The following LRRC8A variants were observed in gnomAD, a reference collection of about 807,000 sequenced individuals.
LRRC8A encodes leucine rich repeat containing 8 VRAC subunit A.
In LRRC8A, 24 loss-of-function variants were observed where a neutral mutation model predicts 52.5. The ratio of observed to expected loss-of-function variants is 0.46; its 90% CI spans 0.33 to 0.64. The LOEUF (loss-of-function observed/expected upper bound fraction) is 0.64, where lower values mean the gene tolerates loss of function less well. Ranked by LOEUF, LRRC8A falls within the 30% of genes least tolerant of loss-of-function variation. LRRC8A has a pLI of 0.02. For synonymous variants in LRRC8A, 492 were observed against 494.2 expected, an observed-to-expected ratio of 1.00 and a Z score of 0.06; for missense variants, 677 against 1,094.7, an observed-to-expected ratio of 0.62 and a Z score of 5.38.
Position 128,913,465 on chromosome 9 carries a change from G to A in LRRC8A, c.2158-2631G>A, listed in dbSNP as rs114717628. On this transcript the variant is annotated intron_variant, in intron 3 of 3. Transcript: ENST00000372600. ...TCAAGCCTCCAGGGCACGGGCCGGC[G>A]ACAATCCGACAATCCAGCAGAGAAG... 6.6e-3 allele frequency among the ~76,000 whole-genome samples: 999 copies of A among 152,276 alleles called. 19 individuals carry two copies. The highest frequency in any genetic ancestry group is 0.023 in the African/African-American group (960 of 41,552).
At chr9:128,898,673 A>G (rs1319118131) in intron 2 of LRRC8A, among the ~76,000 whole-genome samples, 1 of 152,248 alleles carries the variant, frequency 6.6e-6, no homozygotes, top group Non-Finnish European at 1.5e-5. Flanking sequence ...GGCAGGGCCT[A>G]TCTTTAGCCC....
intron 3 of LRRC8A, among the ~76,000 whole-genome samples, chr9:128,909,829 G>A (rs1403269075): frequency 1.3e-5 from 2 of 152,216 alleles, no homozygotes; most frequent in Non-Finnish European, 2.9e-5. Context: ...TGCTGGCTGA[G>A]GGGAAGCCTT....
chr9:128,903,844 A>G (rs1180222329), intron 2 of LRRC8A, among the ~76,000 whole-genome samples: 2 of 152,124 alleles, frequency 1.3e-5, no homozygotes, highest in Non-Finnish European at 1.5e-5. Flanking sequence ...CCCGGCCAAC[A>G]TGGCAAAACA....
At chr9:128,904,517 CTAAA>C (rs906746734) in intron 2 of LRRC8A, among the ~76,000 whole-genome samples, 6 of 151,902 alleles carry the variant, frequency 3.9e-5, no homozygotes, top group African/African-American at 1.2e-4. Context: ...TACTCTGTCT[CTAAA>C]TAAATAAATA....
In LRRC8A at chr9:128,907,229, C is replaced by T. The variant is rs757315550; in HGVS notation, c.65C>T (p.Pro22Leu). The T allele has an allele frequency of 4.3e-6, 7 of 1,613,712 alleles. No individual in the cohort carries two copies. Among genetic ancestry groups the T allele is most frequent in the East Asian group, 2.2e-5 (1 of 44,894 alleles). Residue 22 changes from proline to leucine, a missense_variant, in exon 3 of 4, where the codon CCG becomes CTG. This residue lies in a region of LRRC8A where 32 missense variants were observed against 86.0 expected (regional missense o/e 0.37). Transcript: ENST00000372600. The surrounding 1 kb of genome is among the most constrained non-coding windows in gnomAD (Gnocchi z 9.3). ...CAGCCAGCATACCGGATCCTGAAGC[C>T]GTGGTGGGATGTGTTCACAGACTAC... ...DTQPAYRILK[P>L]WWDVFTDYIS...
At position 128,916,470 on chromosome 9, in the gene LRRC8A, A is replaced by G; in HGVS notation, c.*99A>G. 1 of 1,433,098 alleles carries G rather than the reference A, an allele frequency of 7.0e-7. No individual in the cohort carries two copies. The highest frequency in any genetic ancestry group is 9.3e-7 in the Non-Finnish European group (1 of 1,080,410). 88.8% of individuals were successfully genotyped at this position (1,433,098 alleles called of 1,614,324 possible). ...CTCCCAGAACTCCCGGACAGCCAGG[A>G]CAGCCTCGTGGCTGGGCAGGAGCCT... On this transcript the variant is annotated 3_prime_UTR_variant, in exon 4 of 4. Coordinates refer to ENST00000372600, the MANE Select transcript of LRRC8A (RefSeq NM_019594.4). The surrounding 1 kb of genome is among the most constrained non-coding windows in gnomAD (Gnocchi z 6.1).
Position 128,908,959 on chromosome 9 carries a change from A to C in LRRC8A, c.1795A>C (p.Ile599Leu). The change falls in exon 3 of 4, where the codon ATC becomes CTC. Residue 599 changes from isoleucine (I) to leucine (L), a missense_variant. Coordinates refer to ENST00000372600, the MANE Select transcript of LRRC8A (RefSeq NM_019594.4). ...KMANLTELEL[I>L]RCDLERIPHS... is the part of the protein sequence containing the mutation. ...GGCGAACCTGACTGAGCTGGAGCTG[A>C]TCCGCTGTGACCTGGAGCGCATCCC... is the stretch of plus-strand genomic sequence containing the variant. 2 of 1,614,150 alleles carry C rather than the reference A, an allele frequency of 1.2e-6. No individual in the cohort carries two copies. The highest frequency in any genetic ancestry group is 1.7e-6 in the Non-Finnish European group (2 of 1,180,016).
rs1046317261 is a variant in LRRC8A at position 128,908,541 on chromosome 9, G to C, written c.1377G>C (p.Val459=). 1 of 1,612,744 alleles carries C rather than the reference G, an allele frequency of 6.2e-7. No homozygotes were observed. Among genetic ancestry groups the C allele is most frequent in the African/African-American group, 1.3e-5 (1 of 75,006 alleles). The change falls in exon 3 of 4, where the codon GTG becomes GTC. Residue 459 remains valine, a synonymous_variant. Coordinates refer to ENST00000372600, the MANE Select transcript of LRRC8A (RefSeq NM_019594.4). ...TCAAGCTGGAGCTGATCCCCGACGTGACCATCCCGCCCAGCATTGCCCAGC... is the reference window on the plus strand; with the variant it reads ...TCAAGCTGGAGCTGATCCCCGACGTCACCATCCCGCCCAGCATTGCCCAGC... ...EVLKLELIPD[V]TIPPSIAQLT...
chr9:128,913,687 C>T (rs1235804268), intron 3 of LRRC8A, among the ~76,000 whole-genome samples: 2 of 152,162 alleles, frequency 1.3e-5, no homozygotes, highest in Non-Finnish European at 2.9e-5. Context: ...CAGAGCTTTC[C>T]CACTGTCCCT....
At chr9:128,912,308 G>A (rs774883221) in intron 3 of LRRC8A, among the ~76,000 whole-genome samples, 1 of 152,182 alleles carries the variant, frequency 6.6e-6, no homozygotes, top group African/African-American at 2.4e-5. Context: ...GCCAAGTAAC[G>A]AGGCAGTTAG....
In LRRC8A at chr9:128,902,132, G is replaced by A. The variant is rs895926422; in HGVS notation, c.-8-5025G>A. ...CAGGCTCTGCCATTGGAACCCCAGG[G>A]CCCTCCTCCACTCCCCAGACACACT... On this transcript the variant is annotated intron_variant, in intron 2 of 3. Coordinates refer to ENST00000372600, the MANE Select transcript of LRRC8A (RefSeq NM_019594.4). The surrounding 1 kb of genome is among the most constrained non-coding windows in gnomAD (Gnocchi z 4.1). 6.6e-6 allele frequency among the ~76,000 whole-genome samples: 1 copy of A among 152,160 alleles called. No individual in the cohort carries two copies. The highest frequency in any genetic ancestry group is 1.5e-5 in the Non-Finnish European group (1 of 68,020).
Position 128,883,987 on chromosome 9 carries a change from A to G in LRRC8A, c.-116+1737A>G, listed in dbSNP as rs566536292. Among the ~76,000 whole-genome samples, 6 of 152,136 alleles carry G rather than the reference A, an allele frequency of 3.9e-5. No individual in the cohort carries two copies. The East Asian group carries it at 9.6e-4, about 24-fold the overall frequency. On this transcript the variant is annotated intron_variant, in intron 1 of 3. Coordinates refer to ENST00000372600, the MANE Select transcript of LRRC8A (RefSeq NM_019594.4). The stretch of plus-strand genomic sequence containing the variant: ...AAAATTCCATCTCAAAAAAACAAAA[A>G]AAAAAACAGAGCGGGGGCACAGGAA...
chr9:128,915,844 G>A (rs1840790119), intron 3 of LRRC8A, among the ~76,000 whole-genome samples: 1 of 152,172 alleles, frequency 6.6e-6, no homozygotes, highest in South Asian at 2.1e-4. Flanking sequence ...ATGGAAGGAT[G>A]AGCACTGCGA....
rs777594382 is a variant in LRRC8A at position 128,899,787 on chromosome 9, C to T, written c.-8-7370C>T. ...TTAAGGGGTGTGGGTTTCAGTTTAA[C>T]GAGATGAAGAGAGTTCTGTGTATGG... On this transcript the variant is annotated intron_variant, in intron 2 of 3. Transcript: ENST00000372600. The surrounding 1 kb of genome is among the most constrained non-coding windows in gnomAD (Gnocchi z 4.0). 2.0e-5 allele frequency among the ~76,000 whole-genome samples: 3 copies of T among 152,008 alleles called. No homozygotes were observed. Among genetic ancestry groups the T allele is most frequent in the Non-Finnish European group, 2.9e-5 (2 of 68,018 alleles).
At chr9:128,883,076 TG>T (rs1031547234) in intron 1 of LRRC8A, among the ~76,000 whole-genome samples, 1 of 152,116 alleles carries the variant, frequency 6.6e-6, no homozygotes, top group Non-Finnish European at 1.5e-5. Context: ...TTGCCTTTTT[TG>T]GGAAGGAGGG....
At chr9:128,885,689 C>T (rs1405550105) in intron 1 of LRRC8A, among the ~76,000 whole-genome samples, 1 of 152,174 alleles carries the variant, frequency 6.6e-6, no homozygotes, top group Non-Finnish European at 1.5e-5. Context: ...GGGCAGATCC[C>T]TGGAGGTTAG....
At chr9:128,914,457 C>G (rs191125066) in intron 3 of LRRC8A, among the ~76,000 whole-genome samples, 3 of 152,290 alleles carry the variant, frequency 2.0e-5, no homozygotes. Flanking sequence ...GAGGGAGGGA[C>G]TTCCAGAGTT....
chr9:128,914,886 C>A (rs150490930), intron 3 of LRRC8A, among the ~76,000 whole-genome samples: 214 of 152,350 alleles, frequency 1.4e-3, no homozygotes, highest in Non-Finnish European at 1.9e-3. Flanking sequence ...GGAGACAGCA[C>A]GAACCCACTG....
Position 128,911,276 on chromosome 9 carries a change from C to T in LRRC8A, c.2157+1955C>T, listed in dbSNP as rs1840515618. 6.6e-6 allele frequency among the ~76,000 whole-genome samples: 1 copy of T among 152,192 alleles called. No individual in the cohort carries two copies. Among genetic ancestry groups the T allele is most frequent in the Admixed American group, 6.5e-5 (1 of 15,276 alleles). ...CAGGGCTCCCTTACTGCAGAGCAAC[C>T]TGCAACCCACATGTATCAGGGATTT... On this transcript the variant is annotated intron_variant, in intron 3 of 3. Coordinates refer to ENST00000372600, the MANE Select transcript of LRRC8A (RefSeq NM_019594.4). The surrounding 1 kb of genome is among the most constrained non-coding windows in gnomAD (Gnocchi z 4.9).
Sources: allele counts gnomAD v4.1 joint callset (sites outside exome capture counted in the v4.1 genomes callset), GRCh38; gene constraint gnomAD v4.1.1; regional missense constraint gnomAD v4.1.1; non-coding constraint Gnocchi (gnomAD v3.1); transcripts MANE v1.5; gene names NCBI Gene and HGNC (gene_info 2026-07-23, HGNC 2026-07-21).